DSCAM: variants seen among roughly 807,000 people sequenced by gnomAD.
The protein encoded by DSCAM is DS cell adhesion molecule.
A neutral mutation model predicts 217.7 loss-of-function variants in DSCAM; 47 were observed. That is an observed-to-expected ratio of 0.22 (90% CI 0.17 to 0.28). The LOEUF is 0.28. DSCAM is among the 10% of genes least tolerant of loss of function. The probability of loss-of-function intolerance (pLI) is 1.00; values close to 1 mark genes in which losing one functional copy is unlikely to be tolerated. For synonymous variants in DSCAM, 1,056 were observed against 1,015.3 expected, an observed-to-expected ratio of 1.04 and a Z score of -0.76; for missense variants, 2,080 against 2,618.3, an observed-to-expected ratio of 0.79 and a Z score of 4.49.
At chr21:40,333,514 G>A (rs548318608) in intron 8 of DSCAM, among the ~76,000 whole-genome samples, 1 of 152,098 alleles carries the variant, frequency 6.6e-6, no homozygotes, top group East Asian at 1.9e-4. Flanking sequence ...ACAGGTGTGT[G>A]CCACCATGCC....
intron 18 of DSCAM, among the ~76,000 whole-genome samples, chr21:40,135,577 C>T (rs1252173803): frequency 2.0e-5 from 3 of 152,328 alleles, no homozygotes; most frequent in South Asian, 2.1e-4. Context: ...CACGAGCCGT[C>T]GTGTCGGCCA....
chr21:40,490,748 T>C (rs1303355297), intron 3 of DSCAM, among the ~76,000 whole-genome samples: 1 of 152,236 alleles, frequency 6.6e-6, no homozygotes, highest in Non-Finnish European at 1.5e-5. Flanking sequence ...TCTCCCACTG[T>C]CCTGCAAGGT....
intron 3 of DSCAM, among the ~76,000 whole-genome samples, chr21:40,403,256 C>G (rs2075252925): frequency 6.6e-6 from 1 of 151,070 alleles, no homozygotes; most frequent in African/African-American, 2.4e-5. Context: ...GGAGAATGTA[C>G]ATTTTAAAAG....
intron 15 of DSCAM, among the ~76,000 whole-genome samples, chr21:40,172,920 G>A (rs1357238296): frequency 6.6e-6 from 1 of 152,216 alleles, no homozygotes; most frequent in Non-Finnish European, 1.5e-5. Context: ...TGGACAAAGG[G>A]AACCAAGACA....
chr21:40,605,791 C>CTTTTTTTTTTTTTTTTTTTTTTTTT (rs755767800), intron 3 of DSCAM, among the ~76,000 whole-genome samples: 1 of 62,006 alleles, frequency 1.6e-5, no homozygotes, highest in African/African-American at 6.3e-5. Flanking sequence ...AATGCACATT[C>CTTTTTTTTTTTTTTTTTTTTTTTTT]TTTTTTTTTT....
intron 11 of DSCAM, among the ~76,000 whole-genome samples, chr21:40,230,264 A>G (rs2091369877): frequency 6.6e-6 from 1 of 152,204 alleles, no homozygotes; most frequent in South Asian, 2.1e-4. Context: ...GAGCATTGGT[A>G]TTAGTTCTTC....
chr21:40,193,676 C>T (rs893217835), intron 11 of DSCAM, among the ~76,000 whole-genome samples: 16 of 152,196 alleles, frequency 1.1e-4, no homozygotes, highest in African/African-American at 7.2e-5. Flanking sequence ...ATGTTTAATG[C>T]CTCCCAGTCT....
At chr21:40,821,202 C>CT (rs2091924285) in intron 1 of DSCAM, among the ~76,000 whole-genome samples, 1 of 149,918 alleles carries the variant, frequency 6.7e-6, no homozygotes, top group South Asian at 2.1e-4. Context: ...GTCAAATTGT[C>CT]TTTTTTGACT....
At chr21:40,307,154 A>G (rs2074086714) in intron 9 of DSCAM, among the ~76,000 whole-genome samples, 1 of 152,040 alleles carries the variant, frequency 6.6e-6, no homozygotes, top group East Asian at 1.9e-4. Flanking sequence ...GCAACCTACA[A>G]AATGGGAGAA....
intron 11 of DSCAM, among the ~76,000 whole-genome samples, chr21:40,229,982 A>C (rs1163698596): frequency 1.3e-5 from 2 of 152,216 alleles, no homozygotes; most frequent in African/African-American, 2.4e-5. Flanking sequence ...ATTACTTAAT[A>C]TCCTTGTCAG....
chr21:40,745,705 G>T (rs1029249120), intron 1 of DSCAM, among the ~76,000 whole-genome samples: 6 of 152,076 alleles, frequency 3.9e-5, no homozygotes, highest in African/African-American at 1.4e-4. Flanking sequence ...AACAAGAAAA[G>T]ATCTAACGGT....
intron 15 of DSCAM, among the ~76,000 whole-genome samples, chr21:40,170,648 A>C (rs914582494): frequency 6.6e-6 from 1 of 152,230 alleles, no homozygotes; most frequent in African/African-American, 2.4e-5. Flanking sequence ...AATTCAATAA[A>C]AACTCATGGA....
At chr21:40,844,810 G>A (rs560533057) in intron 1 of DSCAM, among the ~76,000 whole-genome samples, 1 of 151,984 alleles carries the variant, frequency 6.6e-6, no homozygotes, top group African/African-American at 2.4e-5. Flanking sequence ...CATACAAAAT[G>A]CTAAAACTGT....
At chr21:40,139,864 G>A (rs1453049488) in intron 18 of DSCAM, among the ~76,000 whole-genome samples, 1 of 150,874 alleles carries the variant, frequency 6.6e-6, no homozygotes, top group African/African-American at 2.4e-5. Flanking sequence ...TGGGGTGTGT[G>A]TATGTGTGTT....
At chr21:40,247,602 A>G (rs1046527049) in intron 11 of DSCAM, among the ~76,000 whole-genome samples, 2 of 152,184 alleles carry the variant, frequency 1.3e-5, no homozygotes, top group Non-Finnish European at 2.9e-5. Context: ...ATGCATTCCC[A>G]TGGTCTTGGG....
intron 20 of DSCAM, among the ~76,000 whole-genome samples, chr21:40,112,582 G>A (rs547471236): frequency 1.2e-4 from 18 of 152,246 alleles, no homozygotes; most frequent in African/African-American, 4.3e-4. Flanking sequence ...AGAACTGAAT[G>A]AAATAGAGAA....
At chr21:40,495,980 G>A (rs1601690376) in intron 3 of DSCAM, among the ~76,000 whole-genome samples, 1 of 152,030 alleles carries the variant, frequency 6.6e-6, no homozygotes, top group African/African-American at 2.4e-5. Context: ...AACCAAGGAA[G>A]TGAAAAATCT....
intron 1 of DSCAM, among the ~76,000 whole-genome samples, chr21:40,824,127 C>G (rs1159033284): frequency 1.3e-5 from 2 of 152,150 alleles, no homozygotes; most frequent in African/African-American, 4.8e-5. Context: ...TGGGCTCCCT[C>G]TGTCCCCCAG....
intron 3 of DSCAM, among the ~76,000 whole-genome samples, chr21:40,684,284 G>T (rs1165285395): frequency 6.6e-6 from 1 of 152,176 alleles, no homozygotes. Context: ...TGCCCAGTCT[G>T]CAGGAACGCT....
Sources: allele counts gnomAD v4.1 joint callset (sites outside exome capture counted in the v4.1 genomes callset), GRCh38; gene constraint gnomAD v4.1.1; transcripts MANE v1.5; gene names NCBI Gene and HGNC (gene_info 2026-07-23, HGNC 2026-07-21).